The following FANCI variants were observed in gnomAD, a reference collection of about 807,000 sequenced individuals.
FANCI encodes Fanconi anemia group I protein.
In FANCI, 156 loss-of-function variants were observed where a neutral mutation model predicts 176.1. The ratio of observed to expected loss-of-function variants is 0.89; its 90% confidence interval spans 0.78 to 1.01. FANCI has a LOEUF of 1.01. Among genes scored for constraint, FANCI ranks in the 50% least tolerant of loss-of-function variants. The pLI, the probability that FANCI is intolerant of heterozygous loss-of-function variation, is 0.00. For missense variants in FANCI, 1,678 were observed against 1,534.1 expected, an observed-to-expected ratio of 1.09 and a Z score of -1.57; for synonymous variants, 613 against 541.7, an observed-to-expected ratio of 1.13 and a Z score of -1.83.
intron 27 of FANCI, 88 bp downstream of exon 27, chr15:89,301,530 T>C: frequency 1.1e-6 from 1 of 929,088 alleles, no homozygotes; most frequent in Non-Finnish European, 1.8e-6. Context: ...AAATGTCCTC[T>C]TGAAATTGAG....
chr15:89,288,485 A>G (rs1010567001), intron 18 of FANCI, among the ~76,000 whole-genome samples: 1 of 152,210 alleles, frequency 6.6e-6, no homozygotes, highest in Admixed American at 6.5e-5. Context: ...ATGTAGTGAT[A>G]AAACTTGTCA....
At chr15:89,289,219 T>A (rs1304243007) in intron 18 of FANCI, among the ~76,000 whole-genome samples, 1 of 152,160 alleles carries the variant, frequency 6.6e-6, no homozygotes, top group Non-Finnish European at 1.5e-5. Context: ...TTTTTATTAT[T>A]ATTACACATT....
chr15:89,282,233 T>G lies in FANCI; in HGVS notation c.1583+398T>G, dbSNP rs2053642628. ...AGGGTAATGTTCTAGTGTCAAATAC[T>G]CTGAAACCTGAGCTGGCAGCAGTTC... On this transcript the variant is annotated intron_variant, in intron 16 of 37. Transcript: ENST00000310775. 3 of 212,924 alleles carry G rather than the reference T, an allele frequency of 1.4e-5. No homozygotes were observed. In the South Asian group the frequency reaches 2.3e-4, roughly 16 times the overall value. 13.2% of individuals were successfully genotyped at this position (212,924 alleles called of 1,614,324 possible).
chr15:89,300,147 G>A lies in FANCI; in HGVS notation c.2804-153G>A, dbSNP rs149676602. ...TTACATTCAACCACAAAGAGTGGCTGGAAAATGGAATATAGTATTAAGAAA... is the reference window on the plus strand; with the variant it reads ...TTACATTCAACCACAAAGAGTGGCTAGAAAATGGAATATAGTATTAAGAAA... On this transcript the variant is annotated intron_variant, in intron 25 of 37. Transcript: ENST00000310775. Among the ~76,000 whole-genome samples the A allele has an allele frequency of 1.2e-4, 19 of 152,124 alleles. 1 individual carries two copies. The East Asian group carries it at 3.1e-3, about 25-fold the overall frequency.
In FANCI at chr15:89,265,337, A is replaced by G. The variant is rs536179757; in HGVS notation, c.755+730A>G. Reference sequence around the variant, plus strand: ...ATTCTCCTGCCTCAGCCTCCTGAGTATCTGGTACTACAGGTGCGCACCACT... The same window carrying G: ...ATTCTCCTGCCTCAGCCTCCTGAGTGTCTGGTACTACAGGTGCGCACCACT... On this transcript the variant is annotated intron_variant, in intron 9 of 37. Coordinates refer to ENST00000310775, the MANE Select transcript of FANCI (RefSeq NM_001113378.2). 2.6e-4 allele frequency among the ~76,000 whole-genome samples: 40 copies of G among 152,184 alleles called. 1 individual carries two copies. Among genetic ancestry groups the G allele is most frequent in the East Asian group, 1.2e-3 (6 of 5,182 alleles).
chr15:89,278,203 G>T (rs1444949370), intron 13 of FANCI, among the ~76,000 whole-genome samples: 1 of 152,186 alleles, frequency 6.6e-6, no homozygotes, highest in African/African-American at 2.4e-5. Flanking sequence ...GTTGAAGTAA[G>T]AATTTTAACT....
At chr15:89,289,371 C>G (rs891771393) in intron 18 of FANCI, among the ~76,000 whole-genome samples, 1 of 152,020 alleles carries the variant, frequency 6.6e-6, no homozygotes, top group Non-Finnish European at 1.5e-5. Flanking sequence ...GGTCTCGGGT[C>G]TCAGCTCACC....
In FANCI at chr15:89,271,494, T is replaced by C. The variant is rs118149780; in HGVS notation, c.883-1883T>C. Among the ~76,000 whole-genome samples, 411 of 152,320 alleles carry C rather than the reference T, an allele frequency of 2.7e-3. 7 individuals are homozygous for C. The highest frequency in any genetic ancestry group is 0.014 in the East Asian group (75 of 5,186). ...TAGCGTATGTCAGTATTTCATTTCTTTTTATTGTTTTGTTTGTTTTAGGAG... is the reference window on the plus strand; with the variant it reads ...TAGCGTATGTCAGTATTTCATTTCTCTTTATTGTTTTGTTTGTTTTAGGAG... On this transcript the variant is annotated intron_variant, in intron 10 of 37. Transcript: ENST00000310775.
intron 10 of FANCI, among the ~76,000 whole-genome samples, chr15:89,271,335 A>G (rs1036068116): frequency 1.3e-5 from 2 of 152,126 alleles, no homozygotes; most frequent in Non-Finnish European, 2.9e-5. Flanking sequence ...GTCCCAGGTA[A>G]CCACTAATCT....
intron 12 of FANCI, among the ~76,000 whole-genome samples, chr15:89,274,647 G>A (rs535942993): frequency 2.2e-4 from 24 of 111,326 alleles, no homozygotes; most frequent in African/African-American, 7.8e-4. Flanking sequence ...CTCTGTCACC[G>A]AGGCTGGAGT....
chr15:89,246,905 A>G (rs896914440), intron 1 of FANCI, among the ~76,000 whole-genome samples: 1 of 150,604 alleles, frequency 6.6e-6, no homozygotes, highest in African/African-American at 2.4e-5. Flanking sequence ...AGCTGGGACT[A>G]TAGGCGCCCG....
intron 2 of FANCI, among the ~76,000 whole-genome samples, chr15:89,248,196 AT>A (rs2052075354): frequency 6.6e-6 from 1 of 152,170 alleles, no homozygotes; most frequent in African/African-American, 2.4e-5. Context: ...TAAGTGTAGG[AT>A]TATAAAATGG....
At chr15:89,281,693 C>G in intron 15 of FANCI, 72 bp from the exon 16 acceptor site, 1 of 1,343,796 alleles carries the variant, frequency 7.4e-7, no homozygotes, top group Non-Finnish European at 1.1e-6. Context: ...CATATGGTAA[C>G]AGTATTGGGT....
intron 35 of FANCI, 22 bp from the exon 36 acceptor site, chr15:89,314,590 G>C: frequency 6.4e-7 from 1 of 1,574,726 alleles, no homozygotes; most frequent in Admixed American, 1.7e-5. Context: ...TGAAATTTAA[G>C]TCTTATGTTC....
intron 11 of FANCI, 64 bp downstream of exon 11, chr15:89,273,533 A>ATT: frequency 1.1e-6 from 1 of 926,214 alleles, no homozygotes; most frequent in East Asian, 2.5e-5. Flanking sequence ...AAAAAAAAAA[A>ATT]AATCACAGTA....
chr15:89,316,497 G>C lies in FANCI; in HGVS notation c.*38G>C, dbSNP rs377263084. 58 of 1,579,690 alleles carry C rather than the reference G, an allele frequency of 3.7e-5. No individual in the cohort carries two copies. Among genetic ancestry groups the C allele is most frequent in the Non-Finnish European group, 4.8e-5 (56 of 1,159,026 alleles). ...AGTTAATGTGAACTTTGGGGCTTCT[G>C]CTTCATTTTTACCCAACAAGCAACA... On this transcript the variant is annotated 3_prime_UTR_variant, in exon 38 of 38. Coordinates refer to ENST00000310775, the MANE Select transcript of FANCI (RefSeq NM_001113378.2).
At chr15:89,268,640 G>A in intron 10 of FANCI, 115 bp downstream of exon 10, 20 of 1,301,106 alleles carry the variant, frequency 1.5e-5, no homozygotes, top group Non-Finnish European at 2.2e-5. Context: ...GACCCTGGGT[G>A]TGGAGGATCT....
At chr15:89,297,425 G>A (rs1253225495) in intron 24 of FANCI, among the ~76,000 whole-genome samples, 1 of 152,080 alleles carries the variant, frequency 6.6e-6, no homozygotes, top group Admixed American at 6.5e-5. Context: ...GGAGGTGGAG[G>A]TTGTAGCGAG....
chr15:89,257,547 T>C (rs1265786810), intron 2 of FANCI, among the ~76,000 whole-genome samples: 2 of 152,184 alleles, frequency 1.3e-5, no homozygotes, highest in African/African-American at 4.8e-5. Context: ...TGCTTTCATC[T>C]TCACCTGACA....
Sources: allele counts gnomAD v4.1 joint callset (sites outside exome capture counted in the v4.1 genomes callset), GRCh38; gene constraint gnomAD v4.1.1; transcripts MANE v1.5; gene names NCBI Gene and HGNC (gene_info 2026-07-23, HGNC 2026-07-21).